Variants in DYTN observed in about 807,000 individuals in gnomAD.
DYTN encodes dystrotelin.
In DYTN, 75 loss-of-function variants were observed where a neutral mutation model predicts 69.6. That is an observed-to-expected ratio of 1.08 (90% CI 0.89 to 1.31). DYTN has a LOEUF of 1.31. Ranked by LOEUF, DYTN falls within the 50% of genes most tolerant of loss-of-function variation. The pLI is 0.00. For synonymous variants in DYTN, 252 were observed against 249.1 expected, an observed-to-expected ratio of 1.01 and a Z score of -0.11; for missense variants, 726 against 688.4, an observed-to-expected ratio of 1.05 and a Z score of -0.61.
intron 8 of DYTN, among the ~76,000 whole-genome samples, chr2:206,693,579 A>G (rs1699887937): frequency 6.6e-6 from 1 of 152,138 alleles, no homozygotes; most frequent in Non-Finnish European, 1.5e-5. Context: ...TTGGCATTCT[A>G]CACCTAGAGG....
intron 4 of DYTN, 124 bp downstream of exon 4, chr2:206,705,664 T>G: frequency 1.3e-6 from 1 of 745,194 alleles, no homozygotes. Flanking sequence ...ATATTTTTAT[T>G]TAATAAACAC....
intron 7 of DYTN, among the ~76,000 whole-genome samples, chr2:206,696,221 G>A (rs1480249426): frequency 1.3e-5 from 2 of 152,098 alleles, no homozygotes; most frequent in Non-Finnish European, 2.9e-5. Flanking sequence ...GAAGGAATAA[G>A]GTAACGAAGA....
chr2:206,672,415 C>T (rs1223680988), intron 9 of DYTN, among the ~76,000 whole-genome samples: 3 of 152,204 alleles, frequency 2.0e-5, no homozygotes, highest in Non-Finnish European at 4.4e-5. Flanking sequence ...TTTCCATCCT[C>T]GTTTGTTTGA....
At chr2:206,675,964 G>T (rs1699681866) in intron 9 of DYTN, among the ~76,000 whole-genome samples, 1 of 152,184 alleles carries the variant, frequency 6.6e-6, no homozygotes, top group Admixed American at 6.5e-5. Flanking sequence ...AAATAGGAAT[G>T]CTTTCACACT....
Position 206,676,023 on chromosome 2 carries a change from T to C in DYTN, c.981-9994A>G, listed in dbSNP as rs1205371877. ...ACCATTGTGAAAGTCAATGTGGCAA[T>C]TCCTCAAGGATCAAGAACCAGAAAT... On this transcript the variant is annotated intron_variant, in intron 9 of 11. Transcript: ENST00000452335. Among the ~76,000 whole-genome samples the C allele has an allele frequency of 7.2e-5, 11 of 152,326 alleles. No individual in the cohort carries two copies. The East Asian group carries it at 1.9e-3, about 27-fold the overall frequency.
chr2:206,655,297 G>A (rs528730980), intron 11 of DYTN, among the ~76,000 whole-genome samples: 17 of 150,808 alleles, frequency 1.1e-4, no homozygotes, highest in South Asian at 4.2e-4. Flanking sequence ...CCAGGCTGGA[G>A]CACAGTGATG....
chr2:206,705,191 G>A (rs1700013567), intron 4 of DYTN, among the ~76,000 whole-genome samples: 1 of 152,184 alleles, frequency 6.6e-6, no homozygotes, highest in African/African-American at 2.4e-5. Context: ...CCACCTCCCG[G>A]ATTCAAGCGA....
At chr2:206,673,377 C>A (rs1043423601) in intron 9 of DYTN, among the ~76,000 whole-genome samples, 9 of 152,114 alleles carry the variant, frequency 5.9e-5, no homozygotes, top group African/African-American at 1.9e-4. Context: ...CCTGCCTCAG[C>A]CCCTCCAGTA....
chr2:206,690,157 G>C (rs1343035758), intron 9 of DYTN, among the ~76,000 whole-genome samples: 1 of 152,200 alleles, frequency 6.6e-6, no homozygotes, highest in Non-Finnish European at 1.5e-5. Flanking sequence ...AAGGCCTTCA[G>C]GATGAGCCTA....
At chr2:206,711,137 G>C (rs1700075435) in intron 1 of DYTN, among the ~76,000 whole-genome samples, 2 of 152,162 alleles carry the variant, frequency 1.3e-5, no homozygotes, top group Admixed American at 1.3e-4. Flanking sequence ...CCACCAAACT[G>C]TTAACAGTGG....
chr2:206,695,975 T>A, intron 7 of DYTN, among the ~76,000 whole-genome samples: 1 of 152,342 alleles, frequency 6.6e-6, no homozygotes. Context: ...AAGATTCCAG[T>A]GCTCTTAAAT....
intron 11 of DYTN, among the ~76,000 whole-genome samples, chr2:206,652,714 A>G (rs548367052): frequency 1.3e-5 from 2 of 152,342 alleles, no homozygotes; most frequent in South Asian, 4.1e-4. Context: ...GAACAAGTGA[A>G]GAAAGCAAAA....
At chr2:206,700,383 T>C (rs1238274884) in intron 5 of DYTN, among the ~76,000 whole-genome samples, 167 bp from the exon 6 acceptor site, 2 of 152,152 alleles carry the variant, frequency 1.3e-5, no homozygotes, top group African/African-American at 4.8e-5. Context: ...GCGTGGGTTT[T>C]GTGCAATGTT....
chr2:206,703,003 A>T (rs1350579649), intron 5 of DYTN, among the ~76,000 whole-genome samples: 1 of 152,154 alleles, frequency 6.6e-6, no homozygotes, highest in Admixed American at 6.5e-5. Flanking sequence ...CTGAGAATCC[A>T]TTTCTGAGTC....
At position 206,718,293 on chromosome 2, in the gene DYTN, T is replaced by C; in HGVS notation, c.-14A>G. On this transcript the variant is annotated 5_prime_UTR_variant, in exon 1 of 12. Coordinates refer to ENST00000452335, the MANE Select transcript of DYTN (RefSeq NM_001093730.1). ...ATCTGGATCCATTTCACAAATTTCC[T>C]GGAATGACAGATGGCAAGTGGGTCC... is the stretch of plus-strand genomic sequence containing the variant. 6.2e-7 allele frequency: 1 copy of C among 1,600,246 alleles called. No homozygotes were observed. Among genetic ancestry groups the C allele is most frequent in the Non-Finnish European group, 8.5e-7 (1 of 1,173,348 alleles).
chr2:206,707,508 A>G lies in DYTN; in HGVS notation c.95-5T>C, dbSNP rs760689912. 5.0e-6 allele frequency: 8 copies of G among 1,604,752 alleles called. No homozygotes were observed. The South Asian group carries it at 5.6e-5, about 11-fold the overall frequency. On this transcript the variant is annotated splice_polypyrimidine_tract_variant and splice_region_variant and intron_variant, in intron 2 of 11. Coordinates refer to ENST00000452335, the MANE Select transcript of DYTN (RefSeq NM_001093730.1). ...GGGAGCTGTCAATCAAGTCCACTGT[A>G]GGAAGCAAATGAAGAATTGAGCCTT...
At chr2:206,683,461 A>G (rs1699773589) in intron 9 of DYTN, among the ~76,000 whole-genome samples, 1 of 147,618 alleles carries the variant, frequency 6.8e-6, no homozygotes, top group South Asian at 2.1e-4. Flanking sequence ...CTCCTGCCTC[A>G]GCCTCCCAAG....
intron 11 of DYTN, among the ~76,000 whole-genome samples, chr2:206,659,823 A>T (rs1390965832): frequency 6.6e-6 from 1 of 152,178 alleles, no homozygotes; most frequent in Non-Finnish European, 1.5e-5. Context: ...GTGAGGAGTG[A>T]TATATAATGC....
chr2:206,708,905 C>A (rs1700052586), intron 2 of DYTN, among the ~76,000 whole-genome samples: 1 of 152,150 alleles, frequency 6.6e-6, no homozygotes, highest in African/African-American at 2.4e-5. Context: ...GAAAACTGTG[C>A]ATCCACAAAT....
Sources: gnomAD v4.1 joint callset for allele counts (sites outside exome capture counted in the v4.1 genomes callset) on GRCh38, gnomAD v4.1.1 for gene constraint, MANE v1.5 for transcripts, NCBI Gene and HGNC (gene_info 2026-07-23, HGNC 2026-07-21) for gene names.